Variants in KIAA1549L observed in about 807,000 individuals in gnomAD.
KIAA1549L encodes the protein UPF0606 protein KIAA1549L.
Under a neutral mutation model 160.7 loss-of-function variants are expected in KIAA1549L, and 88 were observed. The ratio of observed to expected loss-of-function variants is 0.55; its 90% CI spans 0.46 to 0.65. The LOEUF (loss-of-function observed/expected upper bound fraction) is 0.65, where lower values mean the gene tolerates loss of function less well. KIAA1549L is among the 30% of genes least tolerant of loss of function. The pLI is 0.00. For missense variants in KIAA1549L, 2,258 were observed against 2,437.5 expected (o/e 0.93, Z 1.55); for synonymous variants, 950 against 976.7 (o/e 0.97, Z 0.51).
intron 1 of KIAA1549L, among the ~76,000 whole-genome samples, chr11:33,536,395 G>C (rs1853894153): frequency 6.6e-6 from 1 of 152,160 alleles, no homozygotes; most frequent in Non-Finnish European, 1.5e-5. Flanking sequence ...CTGTTGTCTG[G>C]GCTGGCATGC....
At chr11:33,585,837 G>A (rs961997377) in intron 11 of KIAA1549L, among the ~76,000 whole-genome samples, 3 of 152,148 alleles carry the variant, frequency 2.0e-5, no homozygotes, top group Admixed American at 2.0e-4. Context: ...TCTGTATATT[G>A]GGCTTTGTGA....
intron 1 of KIAA1549L, among the ~76,000 whole-genome samples, chr11:33,426,199 A>G (rs1851112212): frequency 6.6e-6 from 1 of 152,228 alleles, no homozygotes; most frequent in African/African-American, 2.4e-5. Flanking sequence ...TATGTAGGAT[A>G]TTAACAGTAG....
chr11:33,526,571 A>G (rs1336732725), intron 1 of KIAA1549L, among the ~76,000 whole-genome samples: 4 of 152,204 alleles, frequency 2.6e-5, no homozygotes, highest in African/African-American at 9.7e-5. Context: ...CAGAAGGGCA[A>G]TAACAATCAC....
intron 1 of KIAA1549L, among the ~76,000 whole-genome samples, chr11:33,437,732 G>C (rs1213082068): frequency 2.0e-5 from 3 of 152,096 alleles, no homozygotes; most frequent in East Asian, 3.9e-4. Flanking sequence ...CTTTGCCCTG[G>C]CTGCTCTTTC....
chr11:33,482,849 G>T (rs904994402), intron 1 of KIAA1549L, among the ~76,000 whole-genome samples: 1 of 152,050 alleles, frequency 6.6e-6, no homozygotes, highest in African/African-American at 2.4e-5. Context: ...GATTGCAGGT[G>T]TGAGCCACAG....
At chr11:33,646,863 C>T (rs1236332528) in intron 17 of KIAA1549L, among the ~76,000 whole-genome samples, 1 of 151,936 alleles carries the variant, frequency 6.6e-6, no homozygotes, top group Non-Finnish European at 1.5e-5. Context: ...CATGGGTATT[C>T]CCATTGCAAT....
chr11:33,554,513 G>A (rs780234173), intron 6 of KIAA1549L, among the ~76,000 whole-genome samples: 21 of 152,170 alleles, frequency 1.4e-4, no homozygotes, highest in Non-Finnish European at 1.0e-4. Context: ...TCCTGTCTTC[G>A]TTGGCTTTGC....
Position 33,515,707 on chromosome 11 carries a change from T to A in KIAA1549L, c.239-26095T>A, listed in dbSNP as rs538885182. ...CATCTCTGTCAATCCTGCTGATCTT[T>A]TCCTCTTTTTCATTTGGTTTCTCAA... On this transcript the variant is annotated intron_variant, in intron 1 of 20. Coordinates refer to ENST00000658780, the MANE Select transcript of KIAA1549L (RefSeq NM_012194.3). Among the ~76,000 whole-genome samples, 111 of 152,360 alleles carry A rather than the reference T, an allele frequency of 7.3e-4. 1 individual carries two copies. The Middle Eastern group carries it at 0.01, about 14-fold the overall frequency.
rs533229151 is a variant in KIAA1549L, at chr11:33,617,935, A to T, written c.5280-598A>T. On this transcript the variant is annotated intron_variant, in intron 15 of 20. Transcript: ENST00000658780. ...GATGGACGGATGGATGGATGGATGG[A>T]TGGATAGGTGGGTGGGTGGATGTGA... 5.9e-5 allele frequency among the ~76,000 whole-genome samples: 9 copies of T among 152,192 alleles called. No homozygotes were observed. In the East Asian group the frequency reaches 1.7e-3, roughly 29 times the overall value.
intron 18 of KIAA1549L, among the ~76,000 whole-genome samples, chr11:33,658,496 G>A (rs992519009): frequency 3.9e-5 from 6 of 152,150 alleles, no homozygotes; most frequent in African/African-American, 1.4e-4. Flanking sequence ...CACCCTTAGG[G>A]GAGAACTGAC....
chr11:33,551,885 T>A (rs917465830), intron 5 of KIAA1549L, among the ~76,000 whole-genome samples: 8 of 152,218 alleles, frequency 5.3e-5, no homozygotes, highest in African/African-American at 1.9e-4. Flanking sequence ...TCTTTTGCAT[T>A]GGAGGGAATC....
chr11:33,557,608 C>G (rs1407502375), intron 6 of KIAA1549L, among the ~76,000 whole-genome samples: 1 of 151,994 alleles, frequency 6.6e-6, no homozygotes, highest in Non-Finnish European at 1.5e-5. Flanking sequence ...AAAAAGGGAC[C>G]AGTTATGGTG....
At chr11:33,428,060 C>T (rs1426533060) in intron 1 of KIAA1549L, among the ~76,000 whole-genome samples, 1 of 152,148 alleles carries the variant, frequency 6.6e-6, no homozygotes, top group Non-Finnish European at 1.5e-5. Flanking sequence ...TTATGGTGAC[C>T]AGTGCTGCTA....
At chr11:33,566,865 T>C (rs1205562352) in intron 8 of KIAA1549L, among the ~76,000 whole-genome samples, 1 of 152,240 alleles carries the variant, frequency 6.6e-6, no homozygotes, top group Non-Finnish European at 1.5e-5. Flanking sequence ...CTATTAATAA[T>C]GGAAAATCTT....
At chr11:33,504,042 T>C (rs1039535134) in intron 1 of KIAA1549L, among the ~76,000 whole-genome samples, 1 of 152,186 alleles carries the variant, frequency 6.6e-6, no homozygotes, top group Non-Finnish European at 1.5e-5. Context: ...GGTGGATCAC[T>C]TGAGGTCAGG....
At chr11:33,600,046 T>G (rs1850314476) in intron 13 of KIAA1549L, among the ~76,000 whole-genome samples, 1 of 152,144 alleles carries the variant, frequency 6.6e-6, no homozygotes, top group Non-Finnish European at 1.5e-5. Flanking sequence ...AGAAAAGAAA[T>G]AACGACACAT....
chr11:33,517,138 C>G (rs908289730), intron 1 of KIAA1549L, among the ~76,000 whole-genome samples: 2 of 152,186 alleles, frequency 1.3e-5, no homozygotes, highest in Non-Finnish European at 2.9e-5. Flanking sequence ...GATGACGATG[C>G]TAGGGTATGT....
At chr11:33,438,298 C>T (rs1851421367) in intron 1 of KIAA1549L, among the ~76,000 whole-genome samples, 1 of 152,160 alleles carries the variant, frequency 6.6e-6, no homozygotes, top group African/African-American at 2.4e-5. Flanking sequence ...AGCTGGTGAC[C>T]AGTTTAGACA....
At chr11:33,524,832 C>T (rs528358425) in intron 1 of KIAA1549L, among the ~76,000 whole-genome samples, 3 of 152,212 alleles carry the variant, frequency 2.0e-5, no homozygotes, top group Admixed American at 1.3e-4. Flanking sequence ...TTTTCAAAAC[C>T]TCATACTTGC....
Sources: allele counts gnomAD v4.1 joint callset (sites outside exome capture counted in the v4.1 genomes callset), GRCh38; gene constraint gnomAD v4.1.1; transcripts MANE v1.5; gene names NCBI Gene and HGNC (gene_info 2026-07-23, HGNC 2026-07-21).